The following DSC1 variants were observed in gnomAD, a reference collection of about 807,000 sequenced individuals.
The protein encoded by DSC1 is desmocollin-1.
Under a neutral mutation model 98.8 loss-of-function variants are expected in DSC1, and 79 were observed. That is an observed-to-expected ratio of 0.80 (90% confidence interval 0.67 to 0.96). DSC1 has a LOEUF of 0.96. DSC1 is among the 50% of genes least tolerant of loss of function. The pLI, the probability that DSC1 is intolerant of heterozygous loss-of-function variation, is 0.00. For synonymous variants in DSC1, 405 were observed against 372.1 expected (o/e 1.09, Z -1.02); for missense variants, 1,115 against 1,075.9 (o/e 1.04, Z -0.51).
chr18:31,146,536 T>C (rs2577070), intron 6 of DSC1, among the ~76,000 whole-genome samples: 33,230 of 152,188 alleles, frequency 0.22, 4,178 homozygotes, highest in East Asian at 0.56. Context: ...GTGAATGGTG[T>C]GGCAACAAAC....
At position 31,131,579 on chromosome 18, in the gene DSC1, G is replaced by A. The variant is rs770483568; in HGVS notation, c.2487+15C>T. The A allele has an allele frequency of 1.8e-5, 29 of 1,613,602 alleles. No individual in the cohort carries two copies. In the African/African-American group the frequency reaches 3.5e-4, roughly 19 times the overall value. ...AACTTCCATGTAATATGACCTCAAA[G>A]ACAGTGGAACTTACTTCGCCAAGCC... On this transcript the variant is annotated intron_variant, in intron 15 of 15. Transcript: ENST00000257198.
At chr18:31,138,062 A>G (rs1347133163) in intron 11 of DSC1, among the ~76,000 whole-genome samples, 1 of 151,760 alleles carries the variant, frequency 6.6e-6, no homozygotes, top group African/African-American at 2.4e-5. Context: ...GTTTTTCACT[A>G]AAATGTGTAA....
At chr18:31,154,726 A>C (rs760429193) in intron 5 of DSC1, 48 bp downstream of exon 5, 1 of 1,438,336 alleles carries the variant, frequency 7.0e-7, no homozygotes, top group South Asian at 1.4e-5. Context: ...AATATTAGTA[A>C]GCCAGTAATA....
At chr18:31,155,858 A>G (rs1989087148) in intron 4 of DSC1, among the ~76,000 whole-genome samples, 185 bp downstream of exon 4, 1 of 152,160 alleles carries the variant, frequency 6.6e-6, no homozygotes, top group African/African-American at 2.4e-5. Context: ...TCTAAATATG[A>G]TATCTGTAAG....
At chr18:31,161,385 A>ATAT (rs1475629907) in intron 1 of DSC1, among the ~76,000 whole-genome samples, 3 of 148,464 alleles carry the variant, frequency 2.0e-5, no homozygotes, top group African/African-American at 7.9e-5. Context: ...TATATATATA[A>ATAT]ATATATGAGA....
chr18:31,142,065 A>T lies in DSC1; in HGVS notation c.1194T>A (p.Asn398Lys), dbSNP rs1988748680. 2.5e-6 allele frequency: 4 copies of T among 1,613,010 alleles called. No homozygotes were observed. Among genetic ancestry groups the T allele is most frequent in the Non-Finnish European group, 3.4e-6 (4 of 1,179,648 alleles). Residue 398 changes from asparagine (N) to lysine (K), a missense_variant, in exon 9 of 16, where the codon AAT becomes AAA. Physicochemically the swap from Asn to Lys is moderately conservative, Grantham distance 94. Transcript: ENST00000257198. Reference protein sequence around the residue: ...SKAVYKILQGNENGNFIISTD... With the variant: ...SKAVYKILQGKENGNFIISTD... ...TGCTAATTATGAAGTTTCCATTTTCATTTCCTTGTAGGATTTTGTATACAG... is the reference window on the plus strand; with the variant it reads ...TGCTAATTATGAAGTTTCCATTTTCTTTTCCTTGTAGGATTTTGTATACAG...
chr18:31,149,965 A>C (rs1053948506), intron 5 of DSC1, among the ~76,000 whole-genome samples: 1 of 151,790 alleles, frequency 6.6e-6, no homozygotes, highest in Non-Finnish European at 1.5e-5. Context: ...TTCTAAATTC[A>C]GGAGTGGAAT....
intron 3 of DSC1, 91 bp from the exon 4 acceptor site, chr18:31,156,253 A>AT: frequency 6.9e-7 from 1 of 1,456,010 alleles, no homozygotes; most frequent in Non-Finnish European, 9.3e-7. Context: ...AGCAGATGTA[A>AT]GGGTTACACA....
rs150882311 is a variant in DSC1 at position 31,140,279 on chromosome 18, C to T, written c.1283G>A (p.Arg428His). The change falls in exon 10 of 16, where the codon CGC becomes CAC. Residue 428 changes from arginine (R) to histidine (H), a missense_variant. Transcript: ENST00000257198. ...GACACCAACTTGCAAAATAACTTGG[C>T]GATTGACTTCATAGTTCAATGGCTG... ...VVKPLNYEVN[R>H]QVILQVGVIN... 8.7e-6 allele frequency: 14 copies of T among 1,613,752 alleles called. No homozygotes were observed. Among genetic ancestry groups the T allele is most frequent in the Admixed American group, 3.3e-5 (2 of 59,976 alleles).
At chr18:31,157,265 A>C (rs1459082453) in intron 3 of DSC1, 106 bp downstream of exon 3, 6 of 1,199,214 alleles carry the variant, frequency 5.0e-6, no homozygotes, top group Non-Finnish European at 7.0e-6. Context: ...CAAATTTGTC[A>C]TTCAATAGCA....
chr18:31,156,588 T>A (rs1247375929), intron 3 of DSC1, among the ~76,000 whole-genome samples: 2 of 152,228 alleles, frequency 1.3e-5, no homozygotes, highest in Admixed American at 1.3e-4. Flanking sequence ...ATACTTGATT[T>A]TATATAATGT....
At chr18:31,159,307 C>A in intron 2 of DSC1, 138 bp downstream of exon 2, 1 of 690,718 alleles carries the variant, frequency 1.4e-6, no homozygotes, top group Non-Finnish European at 2.5e-6. Context: ...CCCGCCTCGG[C>A]CTCCCAAAGT....
rs748543421 is a variant in DSC1 at position 31,148,637 on chromosome 18, A to G, written c.633T>C (p.Tyr211=). The G allele has an allele frequency of 1.9e-6, 3 of 1,576,754 alleles. No homozygotes were observed. Among genetic ancestry groups the G allele is most frequent in the Non-Finnish European group, 2.6e-6 (3 of 1,154,190 alleles). The part of the protein sequence containing the change: ...DREKYEQFAL[Y]GYATTADGYA... ...AGCCATCTGCAGTTGTTGCATAGCC[A>G]TATAACTGAAAGAAGGGAAAATACC... The change falls in exon 6 of 16, where the codon TAT becomes TAC. Residue 211 remains tyrosine (Y), a synonymous_variant. Transcript: ENST00000257198.
intron 5 of DSC1, among the ~76,000 whole-genome samples, chr18:31,152,715 C>T (rs1161764195): frequency 6.6e-6 from 1 of 151,964 alleles, no homozygotes; most frequent in Non-Finnish European, 1.5e-5. Context: ...TTGTTTGAGG[C>T]TACAAGGAAA....
chr18:31,137,975 G>A (rs957387569), intron 11 of DSC1, among the ~76,000 whole-genome samples: 3 of 142,388 alleles, frequency 2.1e-5, no homozygotes, highest in Admixed American at 6.9e-5. Context: ...ATGTGTGTGT[G>A]TGTGTGTGTG....
chr18:31,134,745 T>G lies in DSC1; in HGVS notation c.1703A>C (p.Asp568Ala). The G allele has an allele frequency of 6.2e-7, 1 of 1,613,072 alleles. No homozygotes were observed. Among genetic ancestry groups the G allele is most frequent in the Non-Finnish European group, 8.5e-7 (1 of 1,179,350 alleles). The stretch of plus-strand genomic sequence containing the variant: ...TTGAGGTGCGTGATCGTTGTAATCA[T>G]CCAAATGAACTACTAATGTTCCAGT... Reference protein sequence around the residue: ...SCTGTLVVHLDDYNDHAPQID... With the variant: ...SCTGTLVVHLADYNDHAPQID... Residue 568 changes from aspartate (D) to alanine (A), a missense_variant, in exon 12 of 16, where the codon GAT (aspartate) becomes GCT (alanine). Transcript: ENST00000257198.
At chr18:31,138,010 G>T (rs568860467) in intron 11 of DSC1, among the ~76,000 whole-genome samples, 33 of 123,518 alleles carry the variant, frequency 2.7e-4, no homozygotes, top group South Asian at 2.0e-3. Flanking sequence ...TGTGTGTGTG[G>T]ATTAAAGTTC....
chr18:31,130,354 A>C lies in DSC1; in HGVS notation c.*160T>G. 1.4e-6 allele frequency: 1 copy of C among 734,472 alleles called. No individual in the cohort carries two copies. Among genetic ancestry groups the C allele is most frequent in the Non-Finnish European group, 2.2e-6 (1 of 454,856 alleles). The allele number at this position is 734,472 out of a possible 1,614,324, so 45.5% of individuals were successfully genotyped here. ...CTAGAGAACATGGAAGTTATACCAG[A>C]CAAGGAGAATGTAGGGGAATCTCAT... On this transcript the variant is annotated 3_prime_UTR_variant, in exon 16 of 16. Coordinates refer to ENST00000257198, the MANE Select transcript of DSC1 (RefSeq NM_024421.2).
chr18:31,131,503 G>T, intron 15 of DSC1, 91 bp downstream of exon 15: 1 of 1,489,824 alleles, frequency 6.7e-7, no homozygotes, highest in Non-Finnish European at 9.2e-7. Flanking sequence ...TTGAATTCCA[G>T]GTATATGAGG....
Sources: allele counts gnomAD v4.1 joint callset (sites outside exome capture counted in the v4.1 genomes callset), GRCh38; gene constraint gnomAD v4.1.1; transcripts MANE v1.5; gene names NCBI Gene and HGNC (gene_info 2026-07-23, HGNC 2026-07-21).